KSR2: variants seen among roughly 807,000 people sequenced by gnomAD.
KSR2 encodes kinase suppressor of ras 2.
Under a neutral mutation model 107.8 loss-of-function variants are expected in KSR2, and 25 were observed. That is an observed-to-expected ratio of 0.23 (90% CI 0.17 to 0.32). KSR2 has a LOEUF of 0.32. Ranked by LOEUF, KSR2 falls within the 10% of genes least tolerant of loss-of-function variation. The pLI is 1.00. For missense variants in KSR2, 887 were observed against 1,268.9 expected, an observed-to-expected ratio of 0.70 and a Z score of 4.57; for synonymous variants, 480 against 507.0, an observed-to-expected ratio of 0.95 and a Z score of 0.71.
At chr12:117,567,515 T>C (rs1244191310) in intron 7 of KSR2, among the ~76,000 whole-genome samples, 14 of 152,060 alleles carry the variant, frequency 9.2e-5, no homozygotes, top group Admixed American at 9.2e-4. Flanking sequence ...AGGGGAATGC[T>C]GGCTAAGCAT....
At chr12:117,755,895 T>G (rs1021702722) in intron 4 of KSR2, among the ~76,000 whole-genome samples, 2 of 152,208 alleles carry the variant, frequency 1.3e-5, no homozygotes, top group South Asian at 4.1e-4. Flanking sequence ...GCCTTATTGC[T>G]GATACGGAGA....
In KSR2 at chr12:117,514,526, T is replaced by TTCTCTC. The variant is rs540321556; in HGVS notation, c.2219+10320_2219+10325dup. On this transcript the variant is annotated intron_variant, in intron 14 of 19. Coordinates refer to ENST00000339824, the MANE Select transcript of KSR2 (RefSeq NM_173598.6). ...AAAGGTCCTTTAAGATGTCTTTGGT[T>TTCTCTC]TCTCTCTCTCTCTCTCTCTTTTTTT... is the stretch of plus-strand genomic sequence containing the variant. Among the ~76,000 whole-genome samples the TTCTCTC allele has an allele frequency of 8.0e-4, 117 of 145,424 alleles. 1 individual carries two copies. The highest frequency in any genetic ancestry group is 6.7e-3 in the Admixed American group (96 of 14,356).
intron 5 of KSR2, among the ~76,000 whole-genome samples, chr12:117,590,447 T>C (rs1380379195): frequency 6.6e-6 from 1 of 152,184 alleles, no homozygotes; most frequent in Non-Finnish European, 1.5e-5. Context: ...CGGTTTCTCC[T>C]ATAAAAAAAG....
At chr12:117,520,105 G>A (rs1218971419) in intron 14 of KSR2, among the ~76,000 whole-genome samples, 1 of 152,196 alleles carries the variant, frequency 6.6e-6, no homozygotes, top group Non-Finnish European at 1.5e-5. Context: ...TCCCCTTGGT[G>A]TAGCTAAGGC....
chr12:117,962,837 A>C (rs1354318434), intron 1 of KSR2, among the ~76,000 whole-genome samples: 1 of 152,122 alleles, frequency 6.6e-6, no homozygotes, highest in Non-Finnish European at 1.5e-5. Flanking sequence ...CATGACATGC[A>C]AAAAGTATAT....
chr12:117,496,627 A>G (rs1350985855), intron 14 of KSR2, among the ~76,000 whole-genome samples: 1 of 152,198 alleles, frequency 6.6e-6, no homozygotes, highest in Non-Finnish European at 1.5e-5. Flanking sequence ...ATTACCTTCT[A>G]TCATTGCCAG....
In KSR2 at chr12:117,894,038, T is replaced by C. The variant is rs532307687; in HGVS notation, c.181-33607A>G. ...CATTCTCCTGCCTCAGCCTCCCGAGTAGCTCGGAATACAGGCGCCTGCCAC... is the reference window on the plus strand; with the variant it reads ...CATTCTCCTGCCTCAGCCTCCCGAGCAGCTCGGAATACAGGCGCCTGCCAC... On this transcript the variant is annotated intron_variant, in intron 1 of 19. Coordinates refer to ENST00000339824, the MANE Select transcript of KSR2 (RefSeq NM_173598.6). 9.5e-4 allele frequency among the ~76,000 whole-genome samples: 144 copies of C among 151,644 alleles called. 1 individual carries two copies. The highest frequency in any genetic ancestry group is 3.4e-3 in the African/African-American group (139 of 41,288).
rs118094834 is a variant in KSR2, at chr12:117,772,767, C to T, written c.473-11243G>A. Among the ~76,000 whole-genome samples, 7 of 152,184 alleles carry T rather than the reference C, an allele frequency of 4.6e-5. No individual in the cohort carries two copies. In the East Asian group the frequency reaches 1.4e-3, roughly 29 times the overall value. On this transcript the variant is annotated intron_variant, in intron 3 of 19. Coordinates refer to ENST00000339824, the MANE Select transcript of KSR2 (RefSeq NM_173598.6). The stretch of plus-strand genomic sequence containing the variant: ...ACCAAAGACGCACACACACACATAC[C>T]ATTCCACCAAAGACGCACAAGCACA...
At position 117,598,116 on chromosome 12, in the gene KSR2, G is replaced by T. The variant is rs1880746174; in HGVS notation, c.1172-15757C>A. Among the ~76,000 whole-genome samples the T allele has an allele frequency of 2.0e-5, 3 of 152,186 alleles. No homozygotes were observed. In the South Asian group the frequency reaches 6.2e-4, roughly 32 times the overall value. On this transcript the variant is annotated intron_variant, in intron 5 of 19. Transcript: ENST00000339824. ...CAGTGGACATTGCACCCCATGTGTAGTCTTTTATCCCTCAGCTCCCTCCCA... is the reference window on the plus strand; with the variant it reads ...CAGTGGACATTGCACCCCATGTGTATTCTTTTATCCCTCAGCTCCCTCCCA...
At chr12:117,720,847 G>A (rs547148204) in intron 4 of KSR2, among the ~76,000 whole-genome samples, 10 of 152,276 alleles carry the variant, frequency 6.6e-5, no homozygotes, top group African/African-American at 2.4e-4. Flanking sequence ...TTAATTACAA[G>A]GAGGAAAGGA....
intron 7 of KSR2, among the ~76,000 whole-genome samples, chr12:117,564,281 T>C (rs1878316660): frequency 6.6e-6 from 1 of 152,160 alleles, no homozygotes; most frequent in African/African-American, 2.4e-5. Context: ...TCCTATATGG[T>C]TCCAGAAATG....
At chr12:117,704,114 T>C (rs1157711445) in intron 4 of KSR2, among the ~76,000 whole-genome samples, 21 of 152,136 alleles carry the variant, frequency 1.4e-4, no homozygotes, top group Admixed American at 1.2e-3. Context: ...GCATTTCATA[T>C]TCATATTCGT....
chr12:117,721,772 C>A (rs1887216162), intron 4 of KSR2, among the ~76,000 whole-genome samples: 1 of 152,204 alleles, frequency 6.6e-6, no homozygotes, highest in African/African-American at 2.4e-5. Context: ...AAGTAGATGT[C>A]TGCTGAAATT....
chr12:117,961,981 T>TA (rs1304834648), intron 1 of KSR2, among the ~76,000 whole-genome samples: 1 of 151,772 alleles, frequency 6.6e-6, no homozygotes, highest in Non-Finnish European at 1.5e-5. Context: ...ACTGTCTCTA[T>TA]AAAAAATTTT....
chr12:117,681,989 T>C (rs1208491144), intron 4 of KSR2, among the ~76,000 whole-genome samples: 1 of 152,210 alleles, frequency 6.6e-6, no homozygotes, highest in Non-Finnish European at 1.5e-5. Context: ...TACAGCACTA[T>C]TCACAATAGC....
chr12:117,968,293 CAG>C lies in KSR2; in HGVS notation c.-40_-39del. 4 of 932,814 alleles carry C rather than the reference CAG, an allele frequency of 4.3e-6. No homozygotes were observed. The highest frequency in any genetic ancestry group is 4.1e-6 in the Non-Finnish European group (3 of 727,786). The allele number at this position is 932,814 out of a possible 1,614,324, so 57.8% of individuals were successfully genotyped here. Reference sequence around the variant, plus strand: ...AACCCCCTTCCCCTCCTCCTCCTCCCAGAGAGAAAAAAGAGGGGGGGGAGTAG... The same window carrying C: ...AACCCCCTTCCCCTCCTCCTCCTCCCAGAGAAAAAAGAGGGGGGGGAGTAG... On this transcript the variant is annotated 5_prime_UTR_variant, in exon 1 of 20. Transcript: ENST00000339824.
chr12:117,620,170 G>C (rs570890892), intron 5 of KSR2, among the ~76,000 whole-genome samples: 1 of 152,218 alleles, frequency 6.6e-6, no homozygotes, highest in East Asian at 1.9e-4. Context: ...AGGTTAATCA[G>C]CTGGTGAAAG....
intron 14 of KSR2, among the ~76,000 whole-genome samples, chr12:117,508,450 TG>T (rs1466321093): frequency 6.6e-6 from 1 of 152,134 alleles, no homozygotes. Flanking sequence ...AGAGTAATGA[TG>T]GGTGAGTGGA....
chr12:117,497,157 C>T (rs531018932), intron 14 of KSR2, among the ~76,000 whole-genome samples: 2 of 152,220 alleles, frequency 1.3e-5, no homozygotes, highest in Admixed American at 1.3e-4. Flanking sequence ...GGATTATAGG[C>T]ATGAGCCACT....
Sources: gnomAD v4.1 joint callset for allele counts (sites outside exome capture counted in the v4.1 genomes callset) on GRCh38, gnomAD v4.1.1 for gene constraint, MANE v1.5 for transcripts, NCBI Gene and HGNC (gene_info 2026-07-23, HGNC 2026-07-21) for gene names.